The following PRKN variants were observed in gnomAD, a reference collection of about 807,000 sequenced individuals.
The protein encoded by PRKN is E3 ubiquitin-protein ligase parkin.
Under a neutral mutation model 59.5 loss-of-function variants are expected in PRKN, and 56 were observed. The observed-to-expected ratio is 0.94, with a 90% CI of 0.76 to 1.18. The LOEUF is 1.18. Ranked by LOEUF, PRKN falls within the 50% of genes most tolerant of loss-of-function variation. The pLI is 0.00. For missense variants in PRKN, 657 were observed against 596.4 expected (o/e 1.10, Z -1.06); for synonymous variants, 250 against 222.1 (o/e 1.13, Z -1.12).
At chr6:161,805,553 T>G (rs921693330) in intron 6 of PRKN, among the ~76,000 whole-genome samples, 1 of 152,034 alleles carries the variant, frequency 6.6e-6, no homozygotes, top group Non-Finnish European at 1.5e-5. Context: ...GATCCTGTCT[T>G]TACTATTTCC....
At chr6:162,036,581 A>C (rs1783859127) in intron 5 of PRKN, among the ~76,000 whole-genome samples, 2 of 151,664 alleles carry the variant, frequency 1.3e-5, no homozygotes, top group Non-Finnish European at 2.9e-5. Flanking sequence ...GGGTTTCACC[A>C]TGTTGGCCTG....
chr6:161,521,323 G>T (rs1238629529), intron 9 of PRKN, among the ~76,000 whole-genome samples: 1 of 152,154 alleles, frequency 6.6e-6, no homozygotes, highest in Non-Finnish European at 1.5e-5. Context: ...AGAATTTGTT[G>T]CTCATCCATT....
At chr6:161,469,304 G>A (rs1464672070) in intron 9 of PRKN, among the ~76,000 whole-genome samples, 1 of 152,136 alleles carries the variant, frequency 6.6e-6, no homozygotes, top group Non-Finnish European at 1.5e-5. Context: ...TCTCTCTCCT[G>A]CCACCCTGTG....
intron 8 of PRKN, among the ~76,000 whole-genome samples, chr6:161,553,783 T>C (rs1221952280): frequency 6.6e-6 from 1 of 152,226 alleles, no homozygotes; most frequent in Non-Finnish European, 1.5e-5. Context: ...CTCAATGCAG[T>C]GATTTCCTTC....
intron 3 of PRKN, among the ~76,000 whole-genome samples, chr6:162,226,546 T>C (rs1180001019): frequency 6.6e-6 from 1 of 152,118 alleles, no homozygotes; most frequent in African/African-American, 2.4e-5. Context: ...GTTTGTTTGT[T>C]TGTTTGTAGA....
chr6:162,046,934 CA>C (rs1784274414), intron 5 of PRKN, among the ~76,000 whole-genome samples: 1 of 150,448 alleles, frequency 6.6e-6, no homozygotes, highest in Non-Finnish European at 1.5e-5. Flanking sequence ...TTTTTGTTAT[CA>C]AGTATTCAAA....
At chr6:162,059,933 A>G (rs1295889964) in intron 4 of PRKN, among the ~76,000 whole-genome samples, 1 of 152,218 alleles carries the variant, frequency 6.6e-6, no homozygotes, top group Non-Finnish European at 1.5e-5. Flanking sequence ...GTGACACATG[A>G]AAACTATGAG....
intron 1 of PRKN, among the ~76,000 whole-genome samples, chr6:162,609,122 G>A (rs1252672744): frequency 1.3e-5 from 2 of 152,142 alleles, no homozygotes; most frequent in Non-Finnish European, 2.9e-5. Flanking sequence ...AAACATAAAG[G>A]CAACCTCATC....
chr6:162,025,580 G>T (rs918320937), intron 5 of PRKN, among the ~76,000 whole-genome samples: 1 of 74,534 alleles, frequency 1.3e-5, no homozygotes, highest in African/African-American at 7.1e-5. Flanking sequence ...CATATCCATG[G>T]TGCTTTTTTT....
At chr6:161,523,505 G>A (rs182664688) in intron 9 of PRKN, among the ~76,000 whole-genome samples, 8 of 152,290 alleles carry the variant, frequency 5.3e-5, no homozygotes, top group Admixed American at 5.2e-4. Flanking sequence ...CATATCAATT[G>A]CAATGCTTTT....
intron 4 of PRKN, among the ~76,000 whole-genome samples, chr6:162,074,717 T>A (rs1476603678): frequency 6.6e-6 from 1 of 152,168 alleles, no homozygotes; most frequent in African/African-American, 2.4e-5. Context: ...CTCCGCTGGG[T>A]TTTGACACAG....
chr6:162,103,336 T>C (rs1260957376), intron 4 of PRKN, among the ~76,000 whole-genome samples: 1 of 152,154 alleles, frequency 6.6e-6, no homozygotes, highest in Non-Finnish European at 1.5e-5. Flanking sequence ...TAATATCCCA[T>C]CATCAAGATT....
At chr6:162,279,408 AGAAAGAAAGAAG>A (rs1431385024) in intron 2 of PRKN, among the ~76,000 whole-genome samples, 1 of 133,408 alleles carries the variant, frequency 7.5e-6, no homozygotes, top group Non-Finnish European at 1.6e-5. Context: ...AGACAGAAAA[AGAAAGAAAGAAG>A]GAAAGAAAGA....
In PRKN at chr6:162,448,204, C is replaced by T. The variant is rs1280599744; in HGVS notation, c.8-4731G>A. ...CACGCCCCGGTTAATTGCGGCAACA[C>T]AAAAGTAACTCCACATGTTTCCAAA... On this transcript the variant is annotated intron_variant, in intron 1 of 11. Transcript: ENST00000366898. 2.6e-5 allele frequency among the ~76,000 whole-genome samples: 4 copies of T among 152,106 alleles called. No individual in the cohort carries two copies. The East Asian group carries it at 7.7e-4, about 29-fold the overall frequency.
At chr6:161,645,638 A>T (rs1783901785) in intron 7 of PRKN, among the ~76,000 whole-genome samples, 1 of 152,236 alleles carries the variant, frequency 6.6e-6, no homozygotes, top group African/African-American at 2.4e-5. Context: ...TGTTAGATGG[A>T]TGTTAATGTC....
chr6:161,976,455 G>C (rs1025535332), intron 5 of PRKN, among the ~76,000 whole-genome samples: 1 of 152,210 alleles, frequency 6.6e-6, no homozygotes, highest in Non-Finnish European at 1.5e-5. Flanking sequence ...TGCCTGTGGA[G>C]TCCTGCCCAT....
At chr6:161,865,264 G>A (rs533958809) in intron 6 of PRKN, among the ~76,000 whole-genome samples, 1 of 152,252 alleles carries the variant, frequency 6.6e-6, no homozygotes, top group South Asian at 2.1e-4. Flanking sequence ...CTGTAATCCC[G>A]ACTTTGTTGT....
chr6:162,199,212 G>T (rs2128329532), intron 4 of PRKN, among the ~76,000 whole-genome samples: 2 of 129,582 alleles, frequency 1.5e-5, no homozygotes, highest in African/African-American at 5.8e-5. Flanking sequence ...TTATATCTGT[G>T]TGTTAAAAAA....
chr6:162,206,738 G>A (rs6929905), intron 3 of PRKN, among the ~76,000 whole-genome samples: 2,136 of 152,250 alleles, frequency 0.014, 40 homozygotes, highest in African/African-American at 0.049. Flanking sequence ...CAGGGGCACA[G>A]AACCTTCTTC....
Sources: gnomAD v4.1 joint callset for allele counts (sites outside exome capture counted in the v4.1 genomes callset) on GRCh38, gnomAD v4.1.1 for gene constraint, MANE v1.5 for transcripts, NCBI Gene and HGNC (gene_info 2026-07-23, HGNC 2026-07-21) for gene names.